PDZD2: variants seen among roughly 807,000 people sequenced by gnomAD.
The protein encoded by PDZD2 is PDZ domain containing 2.
Under a neutral mutation model 220.7 loss-of-function variants are expected in PDZD2, and 90 were observed. That is an observed-to-expected ratio of 0.41 (90% CI 0.34 to 0.49). PDZD2 has a LOEUF of 0.49. Ranked by LOEUF, PDZD2 falls within the 20% of genes least tolerant of loss-of-function variation. The pLI is 0.28. For synonymous variants in PDZD2, 1,375 were observed against 1,450.5 expected, an observed-to-expected ratio of 0.95 and a Z score of 1.18; for missense variants, 3,174 against 3,608.5, an observed-to-expected ratio of 0.88 and a Z score of 3.08.
chr5:31,767,921 G>A (rs1752120875), intron 1 of PDZD2, among the ~76,000 whole-genome samples: 1 of 152,094 alleles, frequency 6.6e-6, no homozygotes, highest in Non-Finnish European at 1.5e-5. Flanking sequence ...ATATTTTTTG[G>A]TAACATACTT....
At chr5:31,667,692 A>G (rs2150115932) in intron 1 of PDZD2, among the ~76,000 whole-genome samples, 1 of 151,888 alleles carries the variant, frequency 6.6e-6, no homozygotes, top group South Asian at 2.1e-4. Context: ...ACTCCCCTTC[A>G]TTGCAGCGAT....
chr5:31,797,866 A>G (rs1754138272), intron 1 of PDZD2, among the ~76,000 whole-genome samples: 1 of 152,122 alleles, frequency 6.6e-6, no homozygotes, highest in South Asian at 2.1e-4. Flanking sequence ...AAGGCTGGAG[A>G]ATGTTTTCCA....
chr5:31,847,935 C>G, intron 2 of PDZD2: 2 of 458,600 alleles, frequency 4.4e-6, no homozygotes, highest in Non-Finnish European at 8.5e-6. Context: ...AAACCATTCT[C>G]TCAATACATA....
chr5:31,707,207 A>G (rs1747869139), intron 1 of PDZD2, among the ~76,000 whole-genome samples: 2 of 151,572 alleles, frequency 1.3e-5, no homozygotes, highest in Admixed American at 1.3e-4. Context: ...AATGTAAATG[A>G]CGAGTTAATG....
intron 1 of PDZD2, among the ~76,000 whole-genome samples, chr5:31,790,139 C>T (rs1753614791): frequency 6.6e-6 from 1 of 152,012 alleles, no homozygotes; most frequent in Non-Finnish European, 1.5e-5. Context: ...GATGGAGTCT[C>T]GCTCTGTCAC....
chr5:32,049,928 CAGTCGTT>C lies in PDZD2; in HGVS notation c.1665+1245_1665+1251del, dbSNP rs1738356554. Among the ~76,000 whole-genome samples, 4 of 152,232 alleles carry C rather than the reference CAGTCGTT, an allele frequency of 2.6e-5. 1 individual carries two copies. The South Asian group carries it at 8.3e-4, about 32-fold the overall frequency. Reference sequence around the variant, plus strand: ...ATCAGAACATTGGAAGATGGCCTGTCAGTCGTTCTATTTTTTATTTTTTGAGACTGAG... The same window carrying C: ...ATCAGAACATTGGAAGATGGCCTGTCCTATTTTTTATTTTTTGAGACTGAG... On this transcript the variant is annotated intron_variant, in intron 8 of 24. Coordinates refer to ENST00000438447, the MANE Select transcript of PDZD2 (RefSeq NM_178140.4).
intron 3 of PDZD2, among the ~76,000 whole-genome samples, chr5:31,988,053 C>G (rs529060640): frequency 6.6e-6 from 1 of 152,214 alleles, no homozygotes; most frequent in Non-Finnish European, 1.5e-5. Context: ...CTCCCCTACC[C>G]GGGACATCGC....
At chr5:31,839,648 AGAC>A (rs1359804835) in intron 2 of PDZD2, among the ~76,000 whole-genome samples, 1 of 152,174 alleles carries the variant, frequency 6.6e-6, no homozygotes, top group African/African-American at 2.4e-5. Flanking sequence ...TACAGGTTCA[AGAC>A]CAGTCTGAGC....
intron 3 of PDZD2, among the ~76,000 whole-genome samples, chr5:31,985,435 C>T (rs932001051): frequency 1.3e-5 from 2 of 152,200 alleles, no homozygotes; most frequent in Non-Finnish European, 2.9e-5. Flanking sequence ...GGGCTCAGGC[C>T]TGTAATCCCA....
chr5:31,657,518 A>T (rs574543479), intron 1 of PDZD2: 1 of 152,336 alleles, frequency 6.6e-6, no homozygotes. Flanking sequence ...ACCTCATTTC[A>T]CACCAGAATC....
intron 1 of PDZD2, among the ~76,000 whole-genome samples, chr5:31,660,130 T>C (rs1580528977): frequency 1.3e-5 from 2 of 152,314 alleles, no homozygotes; most frequent in South Asian, 4.1e-4. Context: ...CAGACAAATT[T>C]CAATTCAATA....
chr5:31,774,715 C>G (rs1159079207), intron 1 of PDZD2, among the ~76,000 whole-genome samples: 2 of 151,290 alleles, frequency 1.3e-5, no homozygotes, highest in African/African-American at 4.9e-5. Context: ...GCAAAACTCC[C>G]TCTCAAAAAA....
intron 1 of PDZD2, among the ~76,000 whole-genome samples, chr5:31,791,115 A>G (rs913628890): frequency 1.3e-5 from 2 of 152,148 alleles, no homozygotes; most frequent in African/African-American, 4.8e-5. Flanking sequence ...CTAGTAGGAC[A>G]CCACTTATCT....
At chr5:32,010,679 AAAATG>A (rs1429389473) in intron 6 of PDZD2, 197 bp downstream of exon 6, 1 of 652,692 alleles carries the variant, frequency 1.5e-6, no homozygotes, top group East Asian at 3.1e-5. Context: ...TTAAGGAAAA[AAAATG>A]AAATGGTAAA....
intron 3 of PDZD2, 77 bp from the exon 4 acceptor site, chr5:31,995,499 G>A (rs899829707): frequency 4.0e-6 from 6 of 1,485,252 alleles, no homozygotes; most frequent in Non-Finnish European, 4.7e-6. Context: ...TCGGCCAGAC[G>A]TGACAGCTCC....
rs573948776 is a variant in PDZD2, at chr5:31,977,549, G to C, written c.477-5606G>C. On this transcript the variant is annotated intron_variant, in intron 2 of 24. Transcript: ENST00000438447. Reference sequence around the variant, plus strand: ...TTCCCAGGACTCCCACCCTTGGAGAGCCCAGACTCCAGAATTATGATAGAG... The same window carrying C: ...TTCCCAGGACTCCCACCCTTGGAGACCCCAGACTCCAGAATTATGATAGAG... Among the ~76,000 whole-genome samples the C allele has an allele frequency of 5.9e-5, 9 of 152,290 alleles. No homozygotes were observed. In the East Asian group the frequency reaches 1.7e-3, roughly 29 times the overall value.
At chr5:31,831,167 GT>G (rs1412615488) in intron 2 of PDZD2, among the ~76,000 whole-genome samples, 7 of 152,240 alleles carry the variant, frequency 4.6e-5, no homozygotes, top group African/African-American at 1.7e-4. Context: ...AGAGGTCACA[GT>G]GGTTGAACTT....
chr5:32,017,611 G>C (rs566081247), intron 6 of PDZD2, among the ~76,000 whole-genome samples: 1 of 152,242 alleles, frequency 6.6e-6, no homozygotes, highest in South Asian at 2.1e-4. Flanking sequence ...TGTAACAATG[G>C]GAGAACACAG....
chr5:31,929,372 T>C (rs1745053600), intron 2 of PDZD2, among the ~76,000 whole-genome samples: 1 of 152,218 alleles, frequency 6.6e-6, no homozygotes, highest in South Asian at 2.1e-4. Context: ...GAGGACTGTC[T>C]TGCATACCAT....
Sources: allele counts gnomAD v4.1 joint callset (sites outside exome capture counted in the v4.1 genomes callset), GRCh38; gene constraint gnomAD v4.1.1; transcripts MANE v1.5; gene names NCBI Gene and HGNC (gene_info 2026-07-23, HGNC 2026-07-21).